The following GRIK3 variants were observed in gnomAD, a reference collection of about 807,000 sequenced individuals.
The protein encoded by GRIK3 is glutamate ionotropic receptor kainate type subunit 3.
Under a neutral mutation model 102.5 loss-of-function variants are expected in GRIK3, and 29 were observed. That is an observed-to-expected ratio of 0.28 (90% CI 0.21 to 0.39). GRIK3 has a LOEUF of 0.39. Ranked by LOEUF, GRIK3 falls within the 10% of genes least tolerant of loss-of-function variation. GRIK3 has a pLI of 1.00. For synonymous variants in GRIK3, 511 were observed against 504.9 expected, an observed-to-expected ratio of 1.01 and a Z score of -0.16; for missense variants, 908 against 1,252.4, an observed-to-expected ratio of 0.73 and a Z score of 4.15.
chr1:36,897,632 C>T (rs1641185753), intron 1 of GRIK3, among the ~76,000 whole-genome samples: 1 of 152,132 alleles, frequency 6.6e-6, no homozygotes, highest in African/African-American at 2.4e-5. Flanking sequence ...ATCCAAAAGA[C>T]AGGCAATAAT....
intron 1 of GRIK3, among the ~76,000 whole-genome samples, chr1:37,014,834 C>CTCTTGTCTTT (rs1642635866): frequency 6.8e-6 from 1 of 147,454 alleles, no homozygotes; most frequent in East Asian, 2.0e-4. Flanking sequence ...GCCATTTAGC[C>CTCTTGTCTTT]TCTTTTCTTA....
intron 13 of GRIK3, among the ~76,000 whole-genome samples, chr1:36,809,987 C>T (rs1422174700): frequency 1.3e-5 from 2 of 152,112 alleles, no homozygotes; most frequent in South Asian, 2.1e-4. Context: ...ATCTGCTTTC[C>T]TAGAATGGTC....
intron 7 of GRIK3, 116 bp from the exon 8 acceptor site, chr1:36,853,838 C>G: frequency 1.5e-6 from 1 of 667,198 alleles, no homozygotes; most frequent in African/African-American, 1.8e-5. Context: ...CCCCCAAGAC[C>G]ATGATTAATT....
intron 1 of GRIK3, among the ~76,000 whole-genome samples, chr1:36,914,098 T>A (rs1323414605): frequency 6.6e-6 from 1 of 152,164 alleles, no homozygotes; most frequent in South Asian, 2.1e-4. Flanking sequence ...CCGGGGCAGG[T>A]GTGGGAGCCT....
intron 1 of GRIK3, among the ~76,000 whole-genome samples, chr1:36,983,419 C>T (rs1046144423): frequency 5.9e-5 from 9 of 152,102 alleles, no homozygotes; most frequent in Non-Finnish European, 1.2e-4. Flanking sequence ...CTTCTGGCAC[C>T]GGGTGTAGGA....
intron 1 of GRIK3, among the ~76,000 whole-genome samples, chr1:36,902,538 A>C (rs1337554155): frequency 6.6e-6 from 1 of 152,220 alleles, no homozygotes; most frequent in Non-Finnish European, 1.5e-5. Context: ...TGCAAAAAAG[A>C]ATCTAGACAC....
chr1:36,821,784 G>A (rs1642698640), intron 11 of GRIK3, among the ~76,000 whole-genome samples: 1 of 152,224 alleles, frequency 6.6e-6, no homozygotes, highest in African/African-American at 2.4e-5. Flanking sequence ...GCCAGAGGGG[G>A]CCACTGGAAG....
chr1:36,837,582 C>G (rs1640395521), intron 10 of GRIK3, among the ~76,000 whole-genome samples: 1 of 152,138 alleles, frequency 6.6e-6, no homozygotes, highest in South Asian at 2.1e-4. Flanking sequence ...TGACCTTCCT[C>G]AAGTGCCAAG....
At chr1:36,879,013 A>G (rs539475639) in intron 3 of GRIK3, among the ~76,000 whole-genome samples, 4 of 152,098 alleles carry the variant, frequency 2.6e-5, no homozygotes, top group African/African-American at 4.8e-5. Flanking sequence ...GAAGGCAGGG[A>G]CCAGGCAGCG....
At chr1:36,968,645 G>T (rs1452241650) in intron 1 of GRIK3, among the ~76,000 whole-genome samples, 1 of 152,184 alleles carries the variant, frequency 6.6e-6, no homozygotes, top group African/African-American at 2.4e-5. Context: ...CACAGTTGCT[G>T]CCCCTCTTTA....
At chr1:36,969,339 C>T (rs1642117317) in intron 1 of GRIK3, among the ~76,000 whole-genome samples, 2 of 152,276 alleles carry the variant, frequency 1.3e-5, no homozygotes, top group Non-Finnish European at 2.9e-5. Flanking sequence ...AATAAGGAGA[C>T]GGGGCCCATA....
At chr1:36,824,000 G>A (rs1263593440) in intron 11 of GRIK3, among the ~76,000 whole-genome samples, 1 of 152,116 alleles carries the variant, frequency 6.6e-6, no homozygotes, top group Non-Finnish European at 1.5e-5. Flanking sequence ...TGGGCGAGGT[G>A]ACAAGTGCAC....
intron 1 of GRIK3, among the ~76,000 whole-genome samples, chr1:36,892,509 C>A (rs1641128940): frequency 1.6e-5 from 1 of 62,116 alleles, no homozygotes; most frequent in Non-Finnish European, 3.2e-5. Context: ...TTAAAAATGA[C>A]CAGCACAAAA....
At chr1:36,849,188 A>G (rs917238135) in intron 9 of GRIK3, among the ~76,000 whole-genome samples, 2 of 152,102 alleles carry the variant, frequency 1.3e-5, no homozygotes, top group Non-Finnish European at 2.9e-5. Context: ...GTTCCATGAC[A>G]TCTGCCACCC....
In GRIK3 at chr1:36,801,527, G is replaced by A. The variant is rs939262009; in HGVS notation, c.*324C>T. 6 of 245,782 alleles carry A rather than the reference G, an allele frequency of 2.4e-5. No homozygotes were observed. Among genetic ancestry groups the A allele is most frequent in the Non-Finnish European group, 4.7e-5 (6 of 128,218 alleles). 15.2% of individuals were successfully genotyped at this position (245,782 alleles called of 1,614,324 possible). On this transcript the variant is annotated 3_prime_UTR_variant, in exon 16 of 16. Coordinates refer to ENST00000373091, the MANE Select transcript of GRIK3 (RefSeq NM_000831.4). ...TCTTCCATTTTCTGTGCCCTCTGCA[G>A]GGCTGCGGCAGAAACTTCTGACTCT...
chr1:37,017,393 A>AAAAAG (rs1553128527), intron 1 of GRIK3, among the ~76,000 whole-genome samples: 1 of 150,768 alleles, frequency 6.6e-6, no homozygotes, highest in Non-Finnish European at 1.5e-5. Context: ...AAAAAAAAAA[A>AAAAAG]AAGAAGAAGA....
At chr1:36,987,574 A>T (rs1246246439) in intron 1 of GRIK3, among the ~76,000 whole-genome samples, 1 of 152,168 alleles carries the variant, frequency 6.6e-6, no homozygotes, top group Non-Finnish European at 1.5e-5. Context: ...TGGGGTATTC[A>T]TCCTCCAATC....
chr1:36,800,679 T>C lies in GRIK3; in HGVS notation c.*1172A>G, dbSNP rs923896431. 6.6e-6 allele frequency: 1 copy of C among 152,268 alleles called. No individual in the cohort carries two copies. Among genetic ancestry groups the C allele is most frequent in the African/African-American group, 2.4e-5 (1 of 41,462 alleles). 9.4% of individuals were successfully genotyped at this position (152,268 alleles called of 1,614,324 possible). A position where few individuals can be genotyped will look rare whatever the true frequency, so the allele number is the denominator to read the frequency against. On this transcript the variant is annotated 3_prime_UTR_variant, in exon 16 of 16. Coordinates refer to ENST00000373091, the MANE Select transcript of GRIK3 (RefSeq NM_000831.4). ...ACTTTCTTTTCCTGGGGAGCATCTCTAGGTTTGGTAAGTCCAGGAGACCAG... is the reference window on the plus strand; with the variant it reads ...ACTTTCTTTTCCTGGGGAGCATCTCCAGGTTTGGTAAGTCCAGGAGACCAG...
At chr1:36,818,229 G>C (rs1182175797) in intron 12 of GRIK3, among the ~76,000 whole-genome samples, 2 of 152,182 alleles carry the variant, frequency 1.3e-5, no homozygotes, top group Non-Finnish European at 2.9e-5. Context: ...CCAGTGCTTT[G>C]AATAGCAGCA....
Sources: gnomAD v4.1 joint callset for allele counts (sites outside exome capture counted in the v4.1 genomes callset) on GRCh38, gnomAD v4.1.1 for gene constraint, MANE v1.5 for transcripts, NCBI Gene and HGNC (gene_info 2026-07-23, HGNC 2026-07-21) for gene names.